PLEKHM3: variants seen among roughly 807,000 people sequenced by gnomAD.
PLEKHM3 encodes the protein pleckstrin homology domain-containing family M member 3.
In PLEKHM3, 45 loss-of-function variants were observed where a neutral mutation model predicts 81.8. The observed-to-expected ratio is 0.55, with a 90% CI of 0.43 to 0.71. The LOEUF (loss-of-function observed/expected upper bound fraction) is 0.71, where lower values mean the gene tolerates loss of function less well. Among genes scored for constraint, PLEKHM3 ranks in the 30% least tolerant of loss-of-function variants. The pLI is 0.00. For synonymous variants in PLEKHM3, 352 were observed against 356.4 expected, an observed-to-expected ratio of 0.99 and a Z score of 0.14; for missense variants, 788 against 924.3, an observed-to-expected ratio of 0.85 and a Z score of 1.91.
intron 2 of PLEKHM3, among the ~76,000 whole-genome samples, chr2:207,990,971 C>T (rs184103696): frequency 3.1e-4 from 47 of 152,330 alleles, no homozygotes; most frequent in African/African-American, 1.1e-3. Flanking sequence ...TTAGGGATCT[C>T]TTCCATCCAG....
chr2:207,880,813 A>C (rs1296665963), intron 6 of PLEKHM3, among the ~76,000 whole-genome samples: 25 of 145,094 alleles, frequency 1.7e-4, no homozygotes, highest in Non-Finnish European at 3.3e-4. Flanking sequence ...AAACAAAAAA[A>C]AACAAAAAAA....
intron 6 of PLEKHM3, among the ~76,000 whole-genome samples, chr2:207,888,551 C>T (rs1687954906): frequency 6.6e-6 from 1 of 152,144 alleles, no homozygotes; most frequent in Non-Finnish European, 1.5e-5. Context: ...CGCCCGCCAC[C>T]AAACCAGGTA....
intron 1 of PLEKHM3, among the ~76,000 whole-genome samples, chr2:208,021,298 C>T (rs1693122483): frequency 6.6e-6 from 1 of 152,192 alleles, no homozygotes. Flanking sequence ...AAACCTAAAT[C>T]CATCAATCTA....
At chr2:208,005,652 C>T in intron 1 of PLEKHM3, among the ~76,000 whole-genome samples, 1 of 152,142 alleles carries the variant, frequency 6.6e-6, no homozygotes, top group East Asian at 1.9e-4. Context: ...TACCCTTTTT[C>T]CTTAAGCATT....
In PLEKHM3 at chr2:207,837,761, A is replaced by ATTTTTTTT. The variant is rs1194861994; in HGVS notation, c.2109-9273_2109-9266dup. Reference sequence around the variant, plus strand: ...GCCACGGCGCCTGGCCGGTTCTTCCATTTTTTTTTTTTTTTTTTTTTTTTT... The same window carrying ATTTTTTTT: ...GCCACGGCGCCTGGCCGGTTCTTCCATTTTTTTTTTTTTTTTTTTTTTTTTTTTTTTTT... On this transcript the variant is annotated intron_variant, in intron 7 of 7. Transcript: ENST00000427836. 2.7e-5 allele frequency among the ~76,000 whole-genome samples: 2 copies of ATTTTTTTT among 74,738 alleles called. 1 individual carries two copies. The highest frequency in any genetic ancestry group is 1.0e-4 in the African/African-American group (2 of 19,418). 49.0% of individuals were successfully genotyped at this position (74,738 alleles called of 152,430 possible). A position where few individuals can be genotyped will look rare whatever the true frequency, so the allele number is the denominator to read the frequency against.
intron 5 of PLEKHM3, among the ~76,000 whole-genome samples, chr2:207,921,466 AAT>A (rs1183941324): frequency 1.1e-4 from 17 of 152,324 alleles, no homozygotes; most frequent in African/African-American, 3.4e-4. Context: ...AAATCAGGGT[AAT>A]TAGCACATCT....
rs1231853209 is a variant in PLEKHM3, at chr2:207,946,515, G to T, written c.1547-3C>A. ...AAGACCTATGGATCGCTGGCAGCCT[G>T]TTCAAGGAAAAAGGAAGAGTCTATG... On this transcript the variant is annotated splice_polypyrimidine_tract_variant and splice_region_variant and intron_variant, in intron 3 of 7. Transcript: ENST00000427836. The T allele has an allele frequency of 1.2e-6, 2 of 1,612,020 alleles. No homozygotes were observed. The highest frequency in any genetic ancestry group is 3.4e-5 in the Admixed American group (2 of 59,488).
chr2:207,923,905 A>ATTTTTTTTTTTTT (rs869041855), intron 5 of PLEKHM3, among the ~76,000 whole-genome samples: 1 of 28,348 alleles, frequency 3.5e-5, no homozygotes, highest in Non-Finnish European at 6.4e-5. Context: ...ATATATATAT[A>ATTTTTTTTTTTTT]TTTTTTTTTT....
intron 5 of PLEKHM3, among the ~76,000 whole-genome samples, chr2:207,920,410 G>C (rs549284183): frequency 6.6e-6 from 1 of 152,236 alleles, no homozygotes; most frequent in East Asian, 1.9e-4. Context: ...TCACATTTTT[G>C]ATGATTGAGA....
chr2:207,857,372 G>T (rs1473685575), intron 7 of PLEKHM3, among the ~76,000 whole-genome samples: 2 of 151,048 alleles, frequency 1.3e-5, no homozygotes, highest in East Asian at 1.9e-4. Flanking sequence ...TTTTTTTTTT[G>T]CAACTCTAGT....
intron 5 of PLEKHM3, 69 bp downstream of exon 5, chr2:207,930,857 T>C: frequency 6.4e-7 from 1 of 1,552,786 alleles, no homozygotes; most frequent in East Asian, 2.3e-5. Flanking sequence ...CCTTTGGAGA[T>C]AATCTCACCA....
At chr2:207,985,896 G>A (rs1003331405) in intron 2 of PLEKHM3, among the ~76,000 whole-genome samples, 1 of 151,860 alleles carries the variant, frequency 6.6e-6, no homozygotes, top group African/African-American at 2.4e-5. Flanking sequence ...GCTGAGGCAG[G>A]AGAATGGCGT....
At chr2:207,956,334 G>A (rs1183583994) in intron 3 of PLEKHM3, among the ~76,000 whole-genome samples, 7 of 151,898 alleles carry the variant, frequency 4.6e-5, no homozygotes, top group East Asian at 3.9e-4. Context: ...TTAGCCGGGC[G>A]TGGTGGTGGG....
chr2:207,947,457 T>A (rs1032379990), intron 3 of PLEKHM3, among the ~76,000 whole-genome samples: 2 of 152,240 alleles, frequency 1.3e-5, no homozygotes, highest in Non-Finnish European at 2.9e-5. Flanking sequence ...TAGGAAGAAC[T>A]ACCTTCTACT....
chr2:207,869,591 C>T (rs1402651171), intron 6 of PLEKHM3, among the ~76,000 whole-genome samples: 1 of 152,134 alleles, frequency 6.6e-6, no homozygotes, highest in Non-Finnish European at 1.5e-5. Context: ...TACACATTTT[C>T]ATTTGTAACA....
At chr2:207,967,700 CTAA>C (rs941437426) in intron 3 of PLEKHM3, among the ~76,000 whole-genome samples, 3 of 152,158 alleles carry the variant, frequency 2.0e-5, no homozygotes, top group African/African-American at 7.2e-5. Flanking sequence ...TTGCACAAAC[CTAA>C]TAATAACAGC....
At chr2:207,927,057 AG>A (rs1480070147) in intron 5 of PLEKHM3, among the ~76,000 whole-genome samples, 2 of 152,218 alleles carry the variant, frequency 1.3e-5, no homozygotes, top group African/African-American at 4.8e-5. Flanking sequence ...AAAACCAGGC[AG>A]GAAGAGAATG....
chr2:207,896,284 T>C (rs778891684), intron 6 of PLEKHM3, among the ~76,000 whole-genome samples: 2 of 152,216 alleles, frequency 1.3e-5, no homozygotes, highest in Non-Finnish European at 2.9e-5. Flanking sequence ...TGTGGTCCTC[T>C]TCCTGGGAAC....
chr2:207,906,211 T>C (rs1688602986), intron 6 of PLEKHM3, among the ~76,000 whole-genome samples: 1 of 152,250 alleles, frequency 6.6e-6, no homozygotes. Flanking sequence ...CCTCAGGCAC[T>C]ACGATCAGGT....
Sources: allele counts gnomAD v4.1 joint callset (sites outside exome capture counted in the v4.1 genomes callset), GRCh38; gene constraint gnomAD v4.1.1; transcripts MANE v1.5; gene names NCBI Gene and HGNC (gene_info 2026-07-23, HGNC 2026-07-21).